DST: variants seen among roughly 807,000 people sequenced by gnomAD.
DST encodes bullous pemphigoid antigen.
Under a neutral mutation model 875.2 loss-of-function variants are expected in DST, and 253 were observed. That is an observed-to-expected ratio of 0.29 (90% CI 0.26 to 0.32). The LOEUF is 0.32. Ranked by LOEUF, DST falls within the 10% of genes least tolerant of loss-of-function variation. The pLI, the probability that DST is intolerant of heterozygous loss-of-function variation, is 1.00. For missense variants in DST, 8,287 were observed against 9,111.6 expected (o/e 0.91, Z 3.68); for synonymous variants, 3,124 against 3,197.1 (o/e 0.98, Z 0.77).
intron 5 of DST, among the ~76,000 whole-genome samples, chr6:56,711,908 G>A (rs1287651614): frequency 2.0e-5 from 3 of 151,534 alleles, no homozygotes; most frequent in Admixed American, 6.6e-5. Flanking sequence ...CGGCTAAAAC[G>A]GTGAAACCCC....
intron 30 of DST, among the ~76,000 whole-genome samples, chr6:56,630,982 C>T (rs112763506): frequency 0.012 from 1,783 of 152,064 alleles, 44 homozygotes; most frequent in African/African-American, 0.039. Context: ...GGGGTTCCAC[C>T]ATGTTGGCCA....
At position 56,814,623 on chromosome 6, in the gene DST, T is replaced by C. The variant is rs149528272; in HGVS notation, c.625+36774A>G. 3.8e-3 allele frequency among the ~76,000 whole-genome samples: 573 copies of C among 152,310 alleles called. 2 individuals carry two copies. The highest frequency in any genetic ancestry group is 0.031 in the Middle Eastern group (9 of 294). On this transcript the variant is annotated intron_variant, in intron 4 of 103. Transcript: ENST00000680361. The stretch of plus-strand genomic sequence containing the variant: ...AGCATTTGTCACAGCAAGTTACAGC[T>C]GTGCTTTCAGAAAAGAAAAGCCTAA...
chr6:56,540,722 T>C (rs897067942), intron 61 of DST: 2 of 152,686 alleles, frequency 1.3e-5, no homozygotes, highest in Non-Finnish European at 2.9e-5. Flanking sequence ...TTTCAAATTA[T>C]TCTGCAGGCA....
intron 36 of DST, chr6:56,617,410 C>T: frequency 1.9e-6 from 3 of 1,612,526 alleles, no homozygotes; most frequent in South Asian, 1.1e-5. Context: ...ACTGCTTGTT[C>T]TTAGCTATCT....
At chr6:56,494,515 T>C (rs1347925165) in intron 82 of DST, among the ~76,000 whole-genome samples, 1 of 152,144 alleles carries the variant, frequency 6.6e-6, no homozygotes, top group Non-Finnish European at 1.5e-5. Context: ...ATTTCATCTC[T>C]CTGAGCCTCA....
At chr6:56,928,926 T>C (rs1340737373) in intron 2 of DST, among the ~76,000 whole-genome samples, 1 of 152,102 alleles carries the variant, frequency 6.6e-6, no homozygotes, top group African/African-American at 2.4e-5. Context: ...CAGAAAAGTA[T>C]ACCTACTGAT....
rs767520046 is a variant in DST, at chr6:56,646,014, TAATG to T, written c.1651-25_1651-22del. 1.0e-5 allele frequency: 16 copies of T among 1,604,750 alleles called. No individual in the cohort carries two copies. In the Admixed American group the frequency reaches 1.7e-4, roughly 17 times the overall value. On this transcript the variant is annotated intron_variant, in intron 14 of 103. Coordinates refer to ENST00000680361, the MANE Select transcript of DST (RefSeq NM_001374736.1). ...CAAATCTTGAGAAAACAAAAAACTT[TAATG>T]TGAAGCAAAAATGAAAACAAAACAA...
chr6:56,692,381 C>A, intron 9 of DST: 1 of 1,251,790 alleles, frequency 8.0e-7, no homozygotes, highest in South Asian at 1.3e-5. Context: ...CTCCACATTT[C>A]ACTTACCTCA....
chr6:56,729,332 T>C (rs1282853087), intron 5 of DST, among the ~76,000 whole-genome samples: 1 of 152,342 alleles, frequency 6.6e-6, no homozygotes, highest in East Asian at 1.9e-4. Context: ...GGCTCACGCC[T>C]GTAATCCCAG....
At chr6:56,938,136 A>T (rs1214916299) in intron 2 of DST, among the ~76,000 whole-genome samples, 4 of 106,180 alleles carry the variant, frequency 3.8e-5, no homozygotes, top group East Asian at 2.0e-4. Flanking sequence ...ATATATGTTT[A>T]AAAAAAAATT....
At chr6:56,648,998 CAA>C (rs1164036897) in intron 12 of DST, among the ~76,000 whole-genome samples, 1 of 152,098 alleles carries the variant, frequency 6.6e-6, no homozygotes, top group Non-Finnish European at 1.5e-5. Context: ...GAAAAAAATC[CAA>C]AGTCAATTTG....
At chr6:56,767,059 A>G (rs2099635254) in intron 4 of DST, among the ~76,000 whole-genome samples, 1 of 152,116 alleles carries the variant, frequency 6.6e-6, no homozygotes, top group African/African-American at 2.4e-5. Context: ...TTCTAAAAAC[A>G]TTTCTTTGGC....
intron 36 of DST, chr6:56,615,855 C>A (rs756438095): frequency 6.2e-7 from 1 of 1,614,214 alleles, no homozygotes; most frequent in East Asian, 2.2e-5. Flanking sequence ...GCTTCCACCA[C>A]TGACATCATT....
At position 56,555,801 on chromosome 6, in the gene DST, C is replaced by T; in HGVS notation, c.14680G>A (p.Glu4894Lys). ...QEFATRKPQY[E>K]QLTAAGQGIL... ...CCCTGACCAGCTGCTGTCAGCTGTT[C>T]ATATTGAGGTTTCCGAGTGGCGAAT... Residue 4894 changes from glutamate (E) to lysine (K), a missense_variant, in exon 60 of 104, where the codon GAA becomes AAA. Physicochemically the swap from Glu to Lys is moderately conservative, Grantham distance 56. Coordinates refer to ENST00000680361, the MANE Select transcript of DST (RefSeq NM_001374736.1). 1 of 1,527,278 alleles carries T rather than the reference C, an allele frequency of 6.5e-7. No individual in the cohort carries two copies. The highest frequency in any genetic ancestry group is 8.8e-7 in the Non-Finnish European group (1 of 1,135,810). 94.6% of individuals were successfully genotyped at this position (1,527,278 alleles called of 1,614,324 possible). A position where few individuals can be genotyped will look rare whatever the true frequency, so the allele number is the denominator to read the frequency against.
chr6:56,801,033 A>G (rs994287140), intron 4 of DST, among the ~76,000 whole-genome samples: 2 of 151,684 alleles, frequency 1.3e-5, no homozygotes, highest in Non-Finnish European at 2.9e-5. Context: ...GAGAAAAAAA[A>G]AAAAAAAAAA....
chr6:56,535,251 G>A lies in DST; in HGVS notation c.16812C>T (p.His5604=). The change falls in exon 63 of 104, where the codon CAC becomes CAT. Residue 5604 remains histidine, a synonymous_variant. Transcript: ENST00000680361. ...RAAQLQEALL[H]CGRFQDALES... is the part of the protein sequence containing the mutation. ...CCAGGGCATCCTGGAACCTCCCACAGTGCAGCAAGGCCTCCTGCAGCTGGG... is the reference window on the plus strand; with the variant it reads ...CCAGGGCATCCTGGAACCTCCCACAATGCAGCAAGGCCTCCTGCAGCTGGG... 6.2e-7 allele frequency: 1 copy of A among 1,607,604 alleles called. No homozygotes were observed. Among genetic ancestry groups the A allele is most frequent in the Middle Eastern group, 1.7e-4 (1 of 6,054 alleles).
At chr6:56,929,372 T>C (rs1325318084) in intron 2 of DST, among the ~76,000 whole-genome samples, 3 of 152,258 alleles carry the variant, frequency 2.0e-5, no homozygotes, top group East Asian at 1.9e-4. Flanking sequence ...TAGAATACTA[T>C]GCACCTACAA....
At position 56,630,282 on chromosome 6, in the gene DST, T is replaced by C; in HGVS notation, c.4244A>G (p.Asp1415Gly). ...TATTAGATTCTCAATATTATTCTTG[T>C]CAGCTATAACTGCTTCTTCTTCACA... is the stretch of plus-strand genomic sequence containing the variant. Reference protein sequence around the residue: ...KLCEEEAVIADKNNIENLIST... With the variant: ...KLCEEEAVIAGKNNIENLIST... The change falls in exon 31 of 104, where the codon GAC becomes GGC. Residue 1415 changes from aspartate to glycine, a missense_variant. Physicochemically the swap from Asp to Gly is moderately conservative, Grantham distance 94. This residue lies in a region of DST where 3,138 missense variants were observed against 3,116.6 expected (regional missense o/e 1.01). Coordinates refer to ENST00000680361, the MANE Select transcript of DST (RefSeq NM_001374736.1). 6.2e-7 allele frequency: 1 copy of C among 1,606,840 alleles called. No individual in the cohort carries two copies. Among genetic ancestry groups the C allele is most frequent in the Non-Finnish European group, 8.5e-7 (1 of 1,174,822 alleles).
intron 4 of DST, among the ~76,000 whole-genome samples, chr6:56,752,262 A>G (rs2099589483): frequency 6.6e-6 from 1 of 152,162 alleles, no homozygotes; most frequent in African/African-American, 2.4e-5. Flanking sequence ...AGAATTTGCA[A>G]AACTGCATGG....
Sources: gnomAD v4.1 joint callset for allele counts (sites outside exome capture counted in the v4.1 genomes callset) on GRCh38, gnomAD v4.1.1 for gene constraint, gnomAD v4.1.1 regional missense constraint, MANE v1.5 for transcripts, NCBI Gene and HGNC (gene_info 2026-07-23, HGNC 2026-07-21) for gene names.